The following ELF1 variants were observed in gnomAD, a reference collection of about 807,000 sequenced individuals.
The protein encoded by ELF1 is ETS-related transcription factor Elf-1.
In ELF1, 24 loss-of-function variants were observed where a neutral mutation model predicts 59.9. That is an observed-to-expected ratio of 0.40 (90% CI 0.29 to 0.56). The LOEUF (loss-of-function observed/expected upper bound fraction) is 0.56. Ranked by LOEUF, ELF1 falls within the 20% of genes least tolerant of loss-of-function variation. ELF1 has a pLI of 0.44. For missense variants in ELF1, 627 were observed against 742.2 expected (o/e 0.84, Z 1.80); for synonymous variants, 248 against 266.2 (o/e 0.93, Z 0.67).
intron 8 of ELF1, among the ~76,000 whole-genome samples, chr13:40,938,629 G>A (rs1454662956): frequency 1.3e-5 from 2 of 152,098 alleles, no homozygotes; most frequent in Non-Finnish European, 2.9e-5. Context: ...TATTCTCATT[G>A]AGCTATGAGG....
chr13:40,981,170 C>CT (rs1346919379), intron 2 of ELF1, among the ~76,000 whole-genome samples: 1 of 152,074 alleles, frequency 6.6e-6, no homozygotes, highest in Non-Finnish European at 1.5e-5. Flanking sequence ...GATAAATCAA[C>CT]TTTAGGTTGG....
chr13:41,010,334 T>A (rs952444676), intron 1 of ELF1, among the ~76,000 whole-genome samples: 8 of 150,016 alleles, frequency 5.3e-5, no homozygotes, highest in Admixed American at 1.3e-4. Context: ...TATGCACTTG[T>A]AATTCTACAT....
chr13:40,955,187 A>G (rs1401703024), intron 3 of ELF1, among the ~76,000 whole-genome samples: 2 of 145,772 alleles, frequency 1.4e-5, no homozygotes, highest in Non-Finnish European at 3.0e-5. Context: ...ACACCCTCTG[A>G]GAAGTGAGGA....
At chr13:40,948,392 C>T (rs554597556) in intron 5 of ELF1, among the ~76,000 whole-genome samples, 3 of 152,302 alleles carry the variant, frequency 2.0e-5, no homozygotes, top group Admixed American at 6.5e-5. Context: ...GGTCTCTGTC[C>T]GATACCCCAT....
Position 40,941,213 on chromosome 13 carries a change from T to A in ELF1, c.964A>T (p.Asn322Tyr), listed in dbSNP as rs777768092. ...CTCGACCGGCTGGTTTGATTCCTAT[T>A]TGAAGTGGCTGATGAAGATAGCGAT... Reference protein sequence around the residue: ...DPSLSSSATSNRNQTSRSRVS... With the variant: ...DPSLSSSATSYRNQTSRSRVS... Residue 322 changes from asparagine (N) to tyrosine (Y), a missense_variant, in exon 8 of 9, where the codon AAT (asparagine) becomes TAT (tyrosine). Around this residue, in one of 3 missense-constraint regions of ELF1, gnomAD observed 361 missense variants for 396.1 expected, o/e 0.91. Coordinates refer to ENST00000239882, the MANE Select transcript of ELF1 (RefSeq NM_172373.4). 1.9e-6 allele frequency: 3 copies of A among 1,614,208 alleles called. No individual in the cohort carries two copies. The South Asian group carries it at 3.3e-5, about 18-fold the overall frequency.
At chr13:41,012,262 G>A (rs138899977) in intron 1 of ELF1, among the ~76,000 whole-genome samples, 103 of 138,434 alleles carry the variant, frequency 7.4e-4, no homozygotes, top group Middle Eastern at 8.4e-3. Context: ...GCAGAGAGCC[G>A]AGATTGTGCC....
At chr13:41,013,985 C>T (rs915978976) in intron 1 of ELF1, among the ~76,000 whole-genome samples, 6 of 152,166 alleles carry the variant, frequency 3.9e-5, no homozygotes, top group African/African-American at 1.4e-4. Context: ...ACAGCCCAGA[C>T]ATAATGATCA....
intron 7 of ELF1, among the ~76,000 whole-genome samples, chr13:40,942,369 T>A (rs547444674): frequency 1.1e-4 from 16 of 152,224 alleles, no homozygotes; most frequent in Non-Finnish European, 2.4e-4. Context: ...TCTTGAAGGA[T>A]AAATGACAGA....
At chr13:40,995,213 C>T (rs977827692) in intron 1 of ELF1, among the ~76,000 whole-genome samples, 1 of 152,186 alleles carries the variant, frequency 6.6e-6, no homozygotes, top group Non-Finnish European at 1.5e-5. Context: ...TACCTCTATT[C>T]TAGCCCCACT....
chr13:41,055,270 T>C (rs1877242552), intron 1 of ELF1, among the ~76,000 whole-genome samples: 2 of 152,086 alleles, frequency 1.3e-5, no homozygotes, highest in African/African-American at 4.8e-5. Context: ...GACCCTAATC[T>C]ATTTTCGCAG....
intron 1 of ELF1, among the ~76,000 whole-genome samples, chr13:40,986,727 C>CA (rs1873566166): frequency 2.0e-5 from 3 of 152,104 alleles, no homozygotes; most frequent in Admixed American, 2.0e-4. Flanking sequence ...ATGGTAAACA[C>CA]AAAACCCTCA....
Position 41,055,115 on chromosome 13 carries a change from C to G in ELF1, c.-229+5723G>C, listed in dbSNP as rs185389819. ...AAGCCCCTGCTCCAAAGTTACACTC[C>G]TGACAGTGGTCTGTGAGCGGGAGGA... On this transcript the variant is annotated intron_variant, in intron 1 of 1. Transcript: ENST00000405737. Among the ~76,000 whole-genome samples the G allele has an allele frequency of 3.9e-3, 589 of 152,294 alleles. 4 individuals are homozygous for G. The highest frequency in any genetic ancestry group is 0.011 in the South Asian group (51 of 4,824).
At chr13:40,990,543 CA>C in intron 1 of ELF1, among the ~76,000 whole-genome samples, 1 of 152,160 alleles carries the variant, frequency 6.6e-6, no homozygotes, top group Non-Finnish European at 1.5e-5. Context: ...ATTTTACCTT[CA>C]ATATAATCTC....
In ELF1 at chr13:41,012,868, C is replaced by T. The variant is rs541043885; in HGVS notation, c.-229+6360G>A. On this transcript the variant is annotated intron_variant, in intron 1 of 8. Coordinates refer to ENST00000239882, the MANE Select transcript of ELF1 (RefSeq NM_172373.4). ...CTACAGTGCCCACTTGTCAACTATT[C>T]TAAAATTGGTATCTTCTCTGTTATA... Among the ~76,000 whole-genome samples the T allele has an allele frequency of 1.2e-3, 180 of 152,146 alleles. 1 individual carries two copies. Among genetic ancestry groups the T allele is most frequent in the African/African-American group, 4.3e-3 (177 of 41,512 alleles).
At chr13:41,038,989 G>T (rs1876494632) in intron 1 of ELF1, among the ~76,000 whole-genome samples, 1 of 146,468 alleles carries the variant, frequency 6.8e-6, no homozygotes. Flanking sequence ...CTCCAGTCTG[G>T]GTGACAGAGA....
chr13:41,033,307 T>A (rs1876244181), intron 1 of ELF1, among the ~76,000 whole-genome samples: 1 of 152,214 alleles, frequency 6.6e-6, no homozygotes, highest in African/African-American at 2.4e-5. Context: ...TTTTCACATC[T>A]GTGAAAGGGA....
Position 40,951,360 on chromosome 13 carries a change from G to C in ELF1, c.330C>G (p.Ser110=). ...EAAEALLNMD[S]PGPMLDEKRI... ...GTTTTTCATCCAGCATAGGGCCAGG[G>C]GAATCCATATTGAGGAGTGCCTCAG... is the stretch of plus-strand genomic sequence containing the variant. The change falls in exon 4 of 9, where the codon TCC becomes TCG. Residue 110 remains serine, a synonymous_variant. Transcript: ENST00000239882. 26 of 1,612,944 alleles carry C rather than the reference G, an allele frequency of 1.6e-5. No homozygotes were observed. The highest frequency in any genetic ancestry group is 2.2e-5 in the Non-Finnish European group (26 of 1,179,334).
chr13:41,057,045 A>G (rs1156628835), intron 1 of ELF1, among the ~76,000 whole-genome samples: 1 of 152,176 alleles, frequency 6.6e-6, no homozygotes, highest in African/African-American at 2.4e-5. Context: ...TGAGACCATG[A>G]TAAGGTCTTC....
At chr13:41,054,749 G>T (rs1039266028) in intron 1 of ELF1, among the ~76,000 whole-genome samples, 1 of 152,166 alleles carries the variant, frequency 6.6e-6, no homozygotes, top group Non-Finnish European at 1.5e-5. Flanking sequence ...CTTTGTCAAG[G>T]CCTAATGGAG....
Sources: gnomAD v4.1 joint callset for allele counts (sites outside exome capture counted in the v4.1 genomes callset) on GRCh38, gnomAD v4.1.1 for gene constraint, gnomAD v4.1.1 regional missense constraint, MANE v1.5 for transcripts, NCBI Gene and HGNC (gene_info 2026-07-23, HGNC 2026-07-21) for gene names.